The following MCF2L2 variants were observed in gnomAD, a reference collection of about 807,000 sequenced individuals.
The protein encoded by MCF2L2 is MCF.2 cell line derived transforming sequence-like 2, also known as probable guanine nucleotide exchange factor MCF2L2.
MCF2L2 carries 102 observed loss-of-function variants against 150.2 expected under a neutral mutation model. That is an observed-to-expected ratio of 0.68 (90% confidence interval 0.58 to 0.80). The LOEUF is 0.80. Ranked by LOEUF, MCF2L2 falls within the 30% of genes least tolerant of loss-of-function variation. MCF2L2 has a pLI of 0.00. For missense variants in MCF2L2, 1,256 were observed against 1,372.8 expected, an observed-to-expected ratio of 0.91 and a Z score of 1.34; for synonymous variants, 465 against 491.3, an observed-to-expected ratio of 0.95 and a Z score of 0.71.
Position 183,399,109 on chromosome 3 carries a change from CAT to C in MCF2L2, c.77-9332_77-9331del, listed in dbSNP as rs542429387. 2.5e-3 allele frequency among the ~76,000 whole-genome samples: 388 copies of C among 152,260 alleles called. 2 individuals carry two copies. Among genetic ancestry groups the C allele is most frequent in the African/African-American group, 7.8e-3 (326 of 41,542 alleles). ...TTGTGTGCATGCGCAGGTGAGCACA[CAT>C]GTTTAAATATGGAAAGCAAAATCTA... On this transcript the variant is annotated intron_variant, in intron 1 of 29. Coordinates refer to ENST00000328913, the MANE Select transcript of MCF2L2 (RefSeq NM_015078.4).
rs182427264 is a variant in MCF2L2 at position 183,301,703 on chromosome 3, G to A, written c.1114-1507C>T. Reference sequence around the variant, plus strand: ...CCAGCTACTCTGGAAGCTGAGGCAGGAGAATTGCTTGAACCTGGGAAGAGG... The same window carrying A: ...CCAGCTACTCTGGAAGCTGAGGCAGAAGAATTGCTTGAACCTGGGAAGAGG... On this transcript the variant is annotated intron_variant, in intron 10 of 29. Coordinates refer to ENST00000328913, the MANE Select transcript of MCF2L2 (RefSeq NM_015078.4). Among the ~76,000 whole-genome samples, 70 of 151,380 alleles carry A rather than the reference G, an allele frequency of 4.6e-4. No homozygotes were observed. In the Middle Eastern group the frequency reaches 0.01, roughly 22 times the overall value.
intron 10 of MCF2L2, among the ~76,000 whole-genome samples, chr3:183,308,980 A>G (rs1476274678): frequency 1.3e-5 from 2 of 152,218 alleles, no homozygotes; most frequent in African/African-American, 4.8e-5. Context: ...AAACAAGCAG[A>G]AAGGAACTTC....
At chr3:183,253,177 G>C (rs1204188684) in intron 15 of MCF2L2, 1 of 45,202 alleles carries the variant, frequency 2.2e-5, no homozygotes, top group Non-Finnish European at 4.2e-5. Flanking sequence ...GGCCGGGCTC[G>C]GGCCGTGACG....
intron 3 of MCF2L2, among the ~76,000 whole-genome samples, chr3:183,344,985 T>C (rs1307084940): frequency 6.6e-6 from 1 of 152,190 alleles, no homozygotes; most frequent in Non-Finnish European, 1.5e-5. Flanking sequence ...TGGGAGACTT[T>C]AACACCCCAC....
chr3:183,369,412 T>C (rs1712728981), intron 3 of MCF2L2, among the ~76,000 whole-genome samples: 1 of 152,354 alleles, frequency 6.6e-6, no homozygotes, highest in African/African-American at 2.4e-5. Context: ...GGTTTTCATG[T>C]CTTCTGCTTC....
intron 1 of MCF2L2, among the ~76,000 whole-genome samples, chr3:183,414,954 T>C (rs1463174985): frequency 6.6e-6 from 1 of 152,222 alleles, no homozygotes; most frequent in Admixed American, 6.5e-5. Context: ...GAGGCTGTTT[T>C]AGAGTCTAGA....
intron 5 of MCF2L2, among the ~76,000 whole-genome samples, chr3:183,331,254 G>A (rs899510007): frequency 6.6e-6 from 1 of 152,236 alleles, no homozygotes; most frequent in Middle Eastern, 3.4e-3. Flanking sequence ...TCCAGTAAAC[G>A]CTCTGTCCTA....
chr3:183,224,466 G>A, intron 18 of MCF2L2: 2 of 299,938 alleles, frequency 6.7e-6, no homozygotes, highest in Non-Finnish European at 1.2e-5. Context: ...CTCACAAACA[G>A]GAATTGGTTT....
chr3:183,379,170 G>A, intron 3 of MCF2L2, 127 bp downstream of exon 3: 2 of 596,864 alleles, frequency 3.4e-6, no homozygotes, highest in South Asian at 5.1e-5. Context: ...ACAGAAGCCA[G>A]CTGGGTTATT....
intron 1 of MCF2L2, among the ~76,000 whole-genome samples, chr3:183,424,302 C>T (rs1716051441): frequency 6.6e-6 from 1 of 152,048 alleles, no homozygotes; most frequent in Non-Finnish European, 1.5e-5. Flanking sequence ...GGACAAAATC[C>T]AAAGAAAGAG....
intron 1 of MCF2L2, 48 bp from the exon 2 acceptor site, chr3:183,389,827 CAAG>C: frequency 6.9e-7 from 1 of 1,448,422 alleles, no homozygotes; most frequent in Non-Finnish European, 9.7e-7. Flanking sequence ...GTGCAAATTA[CAAG>C]AAGAAATTAA....
At chr3:183,254,401 A>G (rs1030215735) in intron 15 of MCF2L2, among the ~76,000 whole-genome samples, 2 of 151,782 alleles carry the variant, frequency 1.3e-5, no homozygotes, top group South Asian at 4.1e-4. Context: ...CGCGGCGGAG[A>G]AGGAGGCTCG....
chr3:183,354,746 T>C (rs1241507157), intron 3 of MCF2L2, among the ~76,000 whole-genome samples: 1 of 152,204 alleles, frequency 6.6e-6, no homozygotes, highest in Non-Finnish European at 1.5e-5. Context: ...TATTACCCAA[T>C]GACCTTGGGC....
Position 183,428,154 on chromosome 3 carries a change from C to G in MCF2L2, c.-177G>C, listed in dbSNP as rs1716272074. ...CTAGGCCAGCTCTCCCTCGCCACGC[C>G]CCGCGGGGGCTCCCGTGACAGACCA... is the stretch of plus-strand genomic sequence containing the variant. On this transcript the variant is annotated 5_prime_UTR_variant, in exon 1 of 30. Transcript: ENST00000328913. This position sits in a 1 kb window ranked among gnomAD's most constrained non-coding sequence, Gnocchi z 5.1. 1 of 592,194 alleles carries G rather than the reference C, an allele frequency of 1.7e-6. No individual in the cohort carries two copies. The highest frequency in any genetic ancestry group is 3.0e-6 in the Non-Finnish European group (1 of 334,786). 36.7% of individuals were successfully genotyped at this position (592,194 alleles called of 1,614,324 possible).
chr3:183,276,029 A>C (rs531553862), intron 15 of MCF2L2, among the ~76,000 whole-genome samples: 35 of 152,370 alleles, frequency 2.3e-4, no homozygotes, highest in African/African-American at 8.2e-4. Context: ...ATAAACTGTC[A>C]CTTAAGGAAA....
At chr3:183,317,450 C>CA (rs1324929210) in intron 7 of MCF2L2, among the ~76,000 whole-genome samples, 4 of 152,172 alleles carry the variant, frequency 2.6e-5, no homozygotes, top group Non-Finnish European at 5.9e-5. Context: ...AAGAACCTGC[C>CA]AAGCTCCCTT....
At chr3:183,301,671 G>A (rs1253340489) in intron 10 of MCF2L2, among the ~76,000 whole-genome samples, 1 of 151,850 alleles carries the variant, frequency 6.6e-6, no homozygotes, top group African/African-American at 2.4e-5. Flanking sequence ...AGCATGCGCC[G>A]ATAGTCCCAG....
intron 1 of MCF2L2, among the ~76,000 whole-genome samples, chr3:183,411,442 T>G (rs1715309800): frequency 6.6e-6 from 1 of 152,160 alleles, no homozygotes; most frequent in Non-Finnish European, 1.5e-5. Context: ...TCATATTCAC[T>G]AACACCCGAA....
chr3:183,289,309 G>C, intron 13 of MCF2L2, 89 bp from the exon 14 acceptor site: 1 of 824,464 alleles, frequency 1.2e-6, no homozygotes, highest in Non-Finnish European at 2.0e-6. Context: ...GCTGGACCAC[G>C]TCAATGTGGC....
Sources: allele counts gnomAD v4.1 joint callset (sites outside exome capture counted in the v4.1 genomes callset), GRCh38; gene constraint gnomAD v4.1.1; non-coding constraint Gnocchi (gnomAD v3.1); transcripts MANE v1.5; gene names NCBI Gene and HGNC (gene_info 2026-07-23, HGNC 2026-07-21).